The following WDR7 variants were observed in gnomAD, a reference collection of about 807,000 sequenced individuals.
WDR7 encodes the protein WD repeat domain 7.
WDR7 carries 46 observed loss-of-function variants against 169.4 expected under a neutral mutation model. That is an observed-to-expected ratio of 0.27 (90% CI 0.21 to 0.35). WDR7 has a LOEUF of 0.35. Ranked by LOEUF, WDR7 falls within the 10% of genes least tolerant of loss-of-function variation. The pLI is 1.00. For missense variants in WDR7, 1,534 were observed against 1,859.3 expected (o/e 0.83, Z 3.22); for synonymous variants, 612 against 666.8 (o/e 0.92, Z 1.27).
At position 56,653,546 on chromosome 18, in the gene WDR7, C is replaced by G. The variant is rs537647336; in HGVS notation, c.-20+1970C>G. 6.6e-5 allele frequency among the ~76,000 whole-genome samples: 10 copies of G among 152,284 alleles called. No individual in the cohort carries two copies. The South Asian group carries it at 2.1e-3, about 32-fold the overall frequency. On this transcript the variant is annotated intron_variant, in intron 1 of 27. Transcript: ENST00000254442. ...TTGTTTCTAATTCCCGCTGTTTTCT[C>G]TTGCTCATCAACCCATATGCAACCA...
At chr18:56,809,655 GCT>G (rs1451074195) in intron 19 of WDR7, among the ~76,000 whole-genome samples, 2 of 152,012 alleles carry the variant, frequency 1.3e-5, no homozygotes, top group Non-Finnish European at 2.9e-5. Context: ...CAAAGGCTAA[GCT>G]TTTTGTAGCA....
intron 14 of WDR7, among the ~76,000 whole-genome samples, chr18:56,744,822 G>T (rs1001607537): frequency 6.6e-6 from 1 of 152,192 alleles, no homozygotes; most frequent in African/African-American, 2.4e-5. Context: ...CCAAGAGGCT[G>T]AAGAGCAGAT....
At chr18:56,917,115 T>G (rs536801176) in intron 21 of WDR7, among the ~76,000 whole-genome samples, 2 of 152,174 alleles carry the variant, frequency 1.3e-5, no homozygotes, top group African/African-American at 2.4e-5. Flanking sequence ...GAGAATCACT[T>G]GAACCCGGGA....
At position 56,699,908 on chromosome 18, in the gene WDR7, T is replaced by C. The variant is rs145481139; in HGVS notation, c.1578+3446T>C. Reference sequence around the variant, plus strand: ...ACCCCCTTTTCAAACTCCACATACATGTCAGTAGGTATTTATCATCCTTTC... The same window carrying C: ...ACCCCCTTTTCAAACTCCACATACACGTCAGTAGGTATTTATCATCCTTTC... On this transcript the variant is annotated intron_variant, in intron 12 of 27. Transcript: ENST00000254442. The C allele has an allele frequency of 1.0e-3, 1,016 of 979,686 alleles. 11 individuals are homozygous for C. The East Asian group carries it at 0.041, about 39-fold the overall frequency. 60.7% of individuals were successfully genotyped at this position (979,686 alleles called of 1,614,324 possible).
At chr18:56,698,623 T>A (rs1425298098) in intron 12 of WDR7, among the ~76,000 whole-genome samples, 5 of 148,192 alleles carry the variant, frequency 3.4e-5, no homozygotes, top group South Asian at 2.2e-4. Flanking sequence ...AAAAAAAAAA[T>A]TCAGATTGGT....
intron 20 of WDR7, among the ~76,000 whole-genome samples, chr18:56,876,171 A>G (rs963947852): frequency 6.6e-6 from 1 of 152,088 alleles, no homozygotes; most frequent in South Asian, 2.1e-4. Context: ...ATAAAACAAA[A>G]TACCAAAAAA....
At position 56,691,386 on chromosome 18, in the gene WDR7, A is replaced by C. The variant is rs367561113; in HGVS notation, c.863+25A>C. 87 of 1,562,270 alleles carry C rather than the reference A, an allele frequency of 5.6e-5. No individual in the cohort carries two copies. The African/African-American group carries it at 1.1e-3, about 19-fold the overall frequency. ...GGTATGCAGCAAGTAATAAATTAGG[A>C]CAGTCATCAAAAGTAAAAGATTCAG... On this transcript the variant is annotated intron_variant, in intron 8 of 27. Coordinates refer to ENST00000254442, the MANE Select transcript of WDR7 (RefSeq NM_015285.3).
At chr18:57,002,492 AATTACTGTTTATCGC>A (rs1294344205) in intron 26 of WDR7, among the ~76,000 whole-genome samples, 3 of 152,168 alleles carry the variant, frequency 2.0e-5, no homozygotes, top group Non-Finnish European at 4.4e-5. Context: ...TGTGTCTCTG[AATTACTGTTTATCGC>A]ATCCTACACC....
intron 23 of WDR7, among the ~76,000 whole-genome samples, chr18:56,937,686 A>T (rs1239807541): frequency 1.3e-5 from 2 of 152,178 alleles, no homozygotes; most frequent in Non-Finnish European, 2.9e-5. Flanking sequence ...ATTGTAAAGC[A>T]CTTAGAGAAT....
intron 16 of WDR7, among the ~76,000 whole-genome samples, chr18:56,764,871 T>C (rs1320890137): frequency 6.6e-6 from 1 of 152,180 alleles, no homozygotes; most frequent in African/African-American, 2.4e-5. Flanking sequence ...TATGGGTTTG[T>C]TTATTCCTTC....
rs1473169234 is a variant in WDR7 at position 57,020,647 on chromosome 18, C to G, written c.4165-98C>G. 12 of 1,062,012 alleles carry G rather than the reference C, an allele frequency of 1.1e-5. No homozygotes were observed. The Middle Eastern group carries it at 8.3e-4, about 74-fold the overall frequency. 65.8% of individuals were successfully genotyped at this position (1,062,012 alleles called of 1,614,324 possible). On this transcript the variant is annotated intron_variant, in intron 26 of 27. Transcript: ENST00000254442. ...CAAAGAAGATAACAGCATCTAATAC[C>G]CATGACGTAACTTGTTCAACATTGA...
intron 21 of WDR7, among the ~76,000 whole-genome samples, chr18:56,892,636 G>C (rs750236004): frequency 6.6e-6 from 1 of 151,990 alleles, no homozygotes; most frequent in Non-Finnish European, 1.5e-5. Flanking sequence ...TATAGAAATC[G>C]TATGGCCTGC....
At chr18:56,970,962 G>A (rs1287571036) in intron 26 of WDR7, among the ~76,000 whole-genome samples, 1 of 152,110 alleles carries the variant, frequency 6.6e-6, no homozygotes, top group Non-Finnish European at 1.5e-5. Flanking sequence ...TTTGAACTGT[G>A]GGTATTCTCA....
chr18:56,732,499 G>T (rs1294005006), intron 14 of WDR7, among the ~76,000 whole-genome samples: 2 of 152,162 alleles, frequency 1.3e-5, no homozygotes, highest in Non-Finnish European at 2.9e-5. Context: ...CTCATCTGCA[G>T]ACTTGAAAAT....
chr18:56,941,496 A>G (rs931975152), intron 25 of WDR7, among the ~76,000 whole-genome samples: 3 of 152,074 alleles, frequency 2.0e-5, no homozygotes, highest in Non-Finnish European at 4.4e-5. Context: ...CAGGCTGGCA[A>G]ATGTTTGGCA....
intron 20 of WDR7, among the ~76,000 whole-genome samples, chr18:56,834,136 A>G (rs1021748397): frequency 2.0e-5 from 3 of 152,230 alleles, no homozygotes; most frequent in African/African-American, 4.8e-5. Flanking sequence ...GGCCCTATCC[A>G]TAGGCATTTC....
At chr18:57,026,949 A>C in intron 27 of WDR7, 55 bp from the exon 28 acceptor site, 1 of 1,558,386 alleles carries the variant, frequency 6.4e-7, no homozygotes. Context: ...AGTCTCTGTG[A>C]TAGGGAAAGG....
chr18:56,911,967 T>C (rs2046558644), intron 21 of WDR7, among the ~76,000 whole-genome samples: 1 of 152,174 alleles, frequency 6.6e-6, no homozygotes, highest in Non-Finnish European at 1.5e-5. Context: ...CGCGAATGGA[T>C]AAAAAACTGA....
chr18:56,694,891 T>A lies in WDR7; in HGVS notation c.1109-59T>A, dbSNP rs1193507418. The A allele has an allele frequency of 3.2e-6, 5 of 1,557,054 alleles. No homozygotes were observed. The African/African-American group carries it at 5.5e-5, about 17-fold the overall frequency. On this transcript the variant is annotated intron_variant, in intron 10 of 27. Transcript: ENST00000254442. Reference sequence around the variant, plus strand: ...GATCAATCAACATTATTTTAATGTTTTAAATTTTTTTTAACATGCACAAAT... The same window carrying A: ...GATCAATCAACATTATTTTAATGTTATAAATTTTTTTTAACATGCACAAAT...
Sources: gnomAD v4.1 joint callset for allele counts (sites outside exome capture counted in the v4.1 genomes callset) on GRCh38, gnomAD v4.1.1 for gene constraint, MANE v1.5 for transcripts, NCBI Gene and HGNC (gene_info 2026-07-23, HGNC 2026-07-21) for gene names.